The following CCDC171 variants were observed in gnomAD, a reference collection of about 807,000 sequenced individuals.
CCDC171 encodes coiled-coil domain-containing protein 171.
CCDC171 carries 177 observed loss-of-function variants against 168.2 expected under a neutral mutation model. The observed-to-expected ratio is 1.05, with a 90% confidence interval of 0.93 to 1.19. The LOEUF (loss-of-function observed/expected upper bound fraction) is 1.19, where lower values mean the gene tolerates loss of function less well. Ranked by LOEUF, CCDC171 falls within the 50% of genes most tolerant of loss-of-function variation. The pLI is 0.00. For missense variants in CCDC171, 1,991 were observed against 1,539.0 expected, an observed-to-expected ratio of 1.29 and a Z score of -4.91; for synonymous variants, 687 against 540.8, an observed-to-expected ratio of 1.27 and a Z score of -3.75.
chr9:15,802,397 C>T (rs2058867882), intron 21 of CCDC171, among the ~76,000 whole-genome samples: 1 of 151,958 alleles, frequency 6.6e-6, no homozygotes. Flanking sequence ...CTTCCTGATC[C>T]TCTCCCTCCT....
the CCDC171 span, among the ~76,000 whole-genome samples, chr9:16,097,109 T>C: frequency 6.6e-6 from 1 of 152,104 alleles, no homozygotes; most frequent in Non-Finnish European, 1.5e-5. Context: ...ACTGAGCGAA[T>C]AGGGGGAAGA....
chr9:15,635,346 C>G (rs1020182115), intron 7 of CCDC171, among the ~76,000 whole-genome samples: 4 of 152,136 alleles, frequency 2.6e-5, no homozygotes, highest in Admixed American at 1.3e-4. Context: ...TATTTACACC[C>G]TTGTCCTTTT....
chr9:15,590,779 T>TTCTTTCTCTTTCTTTC (rs1554693086), intron 4 of CCDC171, among the ~76,000 whole-genome samples: 3 of 115,108 alleles, frequency 2.6e-5, no homozygotes, highest in African/African-American at 1.0e-4. Flanking sequence ...TTCTCTTTCT[T>TTCTTTCTCTTTCTTTC]TCTTTCTTTC....
the CCDC171 span, among the ~76,000 whole-genome samples, chr9:16,073,733 C>T: frequency 2.0e-5 from 3 of 152,182 alleles, no homozygotes; most frequent in Non-Finnish European, 4.4e-5. Flanking sequence ...CCCATGTCAG[C>T]ATAGGTCGGT....
chr9:16,105,901 TG>T, the CCDC171 span, among the ~76,000 whole-genome samples: 1 of 152,238 alleles, frequency 6.6e-6, no homozygotes, highest in Non-Finnish European at 1.5e-5. Flanking sequence ...CACAAGGTTT[TG>T]TACTCTTTTT....
At chr9:15,838,739 A>C (rs1007016527) in intron 21 of CCDC171, among the ~76,000 whole-genome samples, 1 of 152,132 alleles carries the variant, frequency 6.6e-6, no homozygotes, top group African/African-American at 2.4e-5. Context: ...GCTGGATACC[A>C]GTTTTTTAAA....
chr9:15,858,044 G>T (rs565596233), intron 23 of CCDC171, among the ~76,000 whole-genome samples: 1 of 151,484 alleles, frequency 6.6e-6, no homozygotes, highest in South Asian at 2.1e-4. Flanking sequence ...TTGAGGGGGA[G>T]TCTTACTCTT....
At position 15,936,500 on chromosome 9, in the gene CCDC171, A is replaced by G. The variant is rs1417761111; in HGVS notation, c.3753+16078A>G. Among the ~76,000 whole-genome samples the G allele has an allele frequency of 2.6e-5, 4 of 152,090 alleles. No individual in the cohort carries two copies. In the East Asian group the frequency reaches 7.8e-4, roughly 30 times the overall value. ...CTTCATCTCATTGTGTGCAGCTGCCACTTGAGAGTTGAGGGGACTCAGCAG... is the reference window on the plus strand; with the variant it reads ...CTTCATCTCATTGTGTGCAGCTGCCGCTTGAGAGTTGAGGGGACTCAGCAG... On this transcript the variant is annotated intron_variant, in intron 25 of 25. Transcript: ENST00000380701.
At chr9:15,928,935 T>C (rs1474705315) in intron 25 of CCDC171, among the ~76,000 whole-genome samples, 2 of 151,670 alleles carry the variant, frequency 1.3e-5, no homozygotes, top group South Asian at 2.1e-4. Flanking sequence ...AATTTTGTTT[T>C]ATGTAATGCA....
chr9:15,716,713 G>A (rs565836484), intron 11 of CCDC171, among the ~76,000 whole-genome samples: 16 of 152,316 alleles, frequency 1.1e-4, no homozygotes, highest in African/African-American at 3.9e-4. Context: ...AAGGGCAAGA[G>A]AGAGCAAGAG....
chr9:15,569,250 G>C (rs1281952505), intron 2 of CCDC171, among the ~76,000 whole-genome samples: 3 of 152,122 alleles, frequency 2.0e-5, no homozygotes, highest in African/African-American at 7.2e-5. Flanking sequence ...TAGTGCAGTG[G>C]TTAAGAGGAT....
chr9:15,991,736 A>G (rs1832207308), intron 3 of CCDC171, among the ~76,000 whole-genome samples: 1 of 152,214 alleles, frequency 6.6e-6, no homozygotes, highest in Admixed American at 6.5e-5. Flanking sequence ...ATAAAAAATG[A>G]TAAAGGGGAT....
At position 15,744,195 on chromosome 9, in the gene CCDC171, G is replaced by C. The variant is rs1467684157; in HGVS notation, c.2050-78G>C. ...AAGAAGTGGTTGTCAGCAAAAGTTT[G>C]TTTTCTTTGAGTAAAGGGAAATTAA... On this transcript the variant is annotated intron_variant, in intron 16 of 25. Coordinates refer to ENST00000380701, the MANE Select transcript of CCDC171 (RefSeq NM_173550.4). 5 of 1,223,210 alleles carry C rather than the reference G, an allele frequency of 4.1e-6. No individual in the cohort carries two copies. The African/African-American group carries it at 7.7e-5, about 19-fold the overall frequency. The allele number at this position is 1,223,210 out of a possible 1,614,324, so 75.8% of individuals were successfully genotyped here.
At chr9:16,008,614 C>G (rs529364762) in intron 3 of CCDC171, among the ~76,000 whole-genome samples, 2 of 152,184 alleles carry the variant, frequency 1.3e-5, no homozygotes, top group African/African-American at 4.8e-5. Flanking sequence ...TTCTGGTCCC[C>G]TGTTCTTGCC....
intron 21 of CCDC171, among the ~76,000 whole-genome samples, chr9:15,821,476 A>G (rs10756708): frequency 0.68 from 78,624 of 115,698 alleles, 36,463 homozygotes; most frequent in Non-Finnish European, 0.89. Context: ...GCTGATAAGC[A>G]ACTTCAGCAA....
rs117259103 is a variant in CCDC171 at position 15,873,468 on chromosome 9, A to T, written c.3469-1064A>T. On this transcript the variant is annotated intron_variant, in intron 23 of 25. Coordinates refer to ENST00000380701, the MANE Select transcript of CCDC171 (RefSeq NM_173550.4). Reference sequence around the variant, plus strand: ...TTTTGACCTTCGCTACCTGATAAAAAACTTTTTGTTCTGTGGCATTGAGCT... The same window carrying T: ...TTTTGACCTTCGCTACCTGATAAAATACTTTTTGTTCTGTGGCATTGAGCT... 2.4e-4 allele frequency among the ~76,000 whole-genome samples: 37 copies of T among 152,208 alleles called. No homozygotes were observed. In the East Asian group the frequency reaches 7.2e-3, roughly 29 times the overall value.
intron 25 of CCDC171, among the ~76,000 whole-genome samples, chr9:15,961,441 G>T (rs972348078): frequency 2.6e-5 from 4 of 152,172 alleles, no homozygotes; most frequent in African/African-American, 9.6e-5. Flanking sequence ...AGGCACACAA[G>T]TTATAAGTAG....
At chr9:15,628,273 G>A (rs1472397573) in intron 7 of CCDC171, among the ~76,000 whole-genome samples, 1 of 151,826 alleles carries the variant, frequency 6.6e-6, no homozygotes. Context: ...CCCTTTCCTA[G>A]TCAAAGAAAG....
intron 25 of CCDC171, among the ~76,000 whole-genome samples, chr9:15,970,964 A>T (rs992674362): frequency 6.6e-6 from 1 of 152,174 alleles, no homozygotes; most frequent in Non-Finnish European, 1.5e-5. Context: ...ATCAAGAATT[A>T]CCCATGTAAC....
Sources: allele counts gnomAD v4.1 joint callset (sites outside exome capture counted in the v4.1 genomes callset), GRCh38; gene constraint gnomAD v4.1.1; transcripts MANE v1.5; gene names NCBI Gene and HGNC (gene_info 2026-07-23, HGNC 2026-07-21).